VPS13A: variants seen among roughly 807,000 people sequenced by gnomAD.
VPS13A encodes the protein intermembrane lipid transfer protein VPS13A.
In VPS13A, 264 loss-of-function variants were observed where a neutral mutation model predicts 390.9. That is an observed-to-expected ratio of 0.68 (90% CI 0.61 to 0.75). The LOEUF (loss-of-function observed/expected upper bound fraction) is 0.75, where lower values mean the gene tolerates loss of function less well. Ranked by LOEUF, VPS13A falls within the 30% of genes least tolerant of loss-of-function variation. The pLI is 0.00. For missense variants in VPS13A, 3,409 were observed against 3,733.9 expected (o/e 0.91, Z 2.27); for synonymous variants, 1,231 against 1,227.1 (o/e 1.00, Z -0.07).
At chr9:77,340,077 C>A in intron 48 of VPS13A, 101 bp from the exon 49 acceptor site, 1 of 1,354,078 alleles carries the variant, frequency 7.4e-7, no homozygotes, top group Non-Finnish European at 1.0e-6. Flanking sequence ...AGTGCATTAA[C>A]AATATAATAT....
chr9:77,313,199 G>A (rs1324292711), intron 35 of VPS13A, among the ~76,000 whole-genome samples: 1 of 152,104 alleles, frequency 6.6e-6, no homozygotes, highest in Admixed American at 6.5e-5. Flanking sequence ...CATTTATATG[G>A]AATTTAAAAA....
rs73466090 is a variant in VPS13A at position 77,276,145 on chromosome 9, A to G, written c.2748A>G (p.Glu916=). 5.4e-4 allele frequency: 877 copies of G among 1,613,190 alleles called. 5 individuals are homozygous for G. The African/African-American group carries it at 0.01, about 19-fold the overall frequency. ...TTCTTGTTTTAGGATTGGGTGCAGA[A>G]ATTGAGATTAGAACATACGATTTGA... ...VEILVLGLGA[E]IEIRTYDLKA... is the part of the protein sequence containing the mutation. Residue 916 remains glutamate (E), a synonymous_variant, in exon 26 of 72, where the codon GAA becomes GAG. Coordinates refer to ENST00000360280, the MANE Select transcript of VPS13A (RefSeq NM_033305.3).
chr9:77,186,824 A>G (rs1019198085), intron 1 of VPS13A, among the ~76,000 whole-genome samples: 5 of 152,136 alleles, frequency 3.3e-5, no homozygotes, highest in African/African-American at 7.2e-5. Context: ...TGACTTCACC[A>G]TTATTCATCT....
At chr9:77,228,390 G>GA in intron 17 of VPS13A, 126 bp downstream of exon 17, 1 of 936,234 alleles carries the variant, frequency 1.1e-6, no homozygotes. Flanking sequence ...GTGGTTTCAG[G>GA]AAAAAGGTTT....
chr9:77,185,876 C>A (rs999413243), intron 1 of VPS13A, among the ~76,000 whole-genome samples: 4 of 152,160 alleles, frequency 2.6e-5, no homozygotes, highest in Non-Finnish European at 5.9e-5. Flanking sequence ...CCTGTAATTC[C>A]AGCATTTTGG....
Position 77,418,127 on chromosome 9 carries a change from T to C in VPS13A, c.*2121T>C, listed in dbSNP as rs1466082075. The stretch of plus-strand genomic sequence containing the variant: ...TGTTTGATTCTGTAGCCCATTTTTC[T>C]TGAAGGTTAGAATAAGAATCTTCTT... On this transcript the variant is annotated 3_prime_UTR_variant, in exon 72 of 72. Coordinates refer to ENST00000360280, the MANE Select transcript of VPS13A (RefSeq NM_033305.3). The C allele has an allele frequency of 1.3e-5, 2 of 152,210 alleles. No individual in the cohort carries two copies. 9.4% of individuals were successfully genotyped at this position (152,210 alleles called of 1,614,324 possible). A position where few individuals can be genotyped will look rare whatever the true frequency, so the allele number is the denominator to read the frequency against.
intron 1 of VPS13A, among the ~76,000 whole-genome samples, chr9:77,183,567 A>G (rs751456035): frequency 2.6e-5 from 4 of 152,148 alleles, no homozygotes; most frequent in Non-Finnish European, 5.9e-5. Flanking sequence ...ATTCCTTTTT[A>G]TTGCTGACCA....
At chr9:77,313,210 AT>A (rs1829196350) in intron 35 of VPS13A, among the ~76,000 whole-genome samples, 1 of 152,206 alleles carries the variant, frequency 6.6e-6, no homozygotes, top group African/African-American at 2.4e-5. Flanking sequence ...AATTTAAAAA[AT>A]ATACAAAATT....
intron 23 of VPS13A, 127 bp downstream of exon 23, chr9:77,260,351 CTTTT>C (rs750675055): frequency 3.7e-3 from 1,364 of 372,670 alleles, no homozygotes; most frequent in East Asian, 6.3e-3. Context: ...AAGAAAATTA[CTTTT>C]TTTTTTTTTT....
chr9:77,396,355 G>A (rs1233739842), intron 68 of VPS13A, among the ~76,000 whole-genome samples: 2 of 152,128 alleles, frequency 1.3e-5, no homozygotes, highest in Middle Eastern at 3.2e-3. Flanking sequence ...TGGTTTTGCT[G>A]ACAGTCAAGA....
chr9:77,318,041 T>C (rs1371763517), intron 40 of VPS13A, among the ~76,000 whole-genome samples, 194 bp from the exon 41 acceptor site: 1 of 151,916 alleles, frequency 6.6e-6, no homozygotes, highest in Non-Finnish European at 1.5e-5. Context: ...CATGTAAATA[T>C]CTGCAAGATT....
intron 59 of VPS13A, among the ~76,000 whole-genome samples, chr9:77,364,523 C>G (rs1251816465): frequency 6.6e-6 from 1 of 152,166 alleles, no homozygotes; most frequent in Non-Finnish European, 1.5e-5. Context: ...TAGCTGGGAA[C>G]AGGATGAGAA....
chr9:77,213,398 A>C (rs1326254893), intron 9 of VPS13A, 84 bp downstream of exon 9: 2 of 1,150,800 alleles, frequency 1.7e-6, no homozygotes, highest in African/African-American at 3.0e-5. Context: ...AATATACTGT[A>C]GTCAGTATTT....
intron 71 of VPS13A, among the ~76,000 whole-genome samples, chr9:77,407,890 C>T (rs1391427053): frequency 1.3e-5 from 2 of 151,884 alleles, no homozygotes; most frequent in Non-Finnish European, 2.9e-5. Context: ...AAAAAGTCAA[C>T]AAACAAAAAT....
rs775579367 is a variant in VPS13A at position 77,280,184 on chromosome 9, G to A, written c.2850G>A (p.Leu950=). Residue 950 remains leucine (L), a synonymous_variant, in exon 27 of 72, where the codon TTG becomes TTA. Transcript: ENST00000360280. ...ATGAAAACAAGAAACCAGTTTATTTGGTTACAACCCTGGATAACACAATGG... is the reference window on the plus strand; with the variant it reads ...ATGAAAACAAGAAACCAGTTTATTTAGTTACAACCCTGGATAACACAATGG... ...YLDENKKPVY[L]VTTLDNTMED... is the part of the protein sequence containing the mutation. 23 of 1,611,754 alleles carry A rather than the reference G, an allele frequency of 1.4e-5. No homozygotes were observed. The highest frequency in any genetic ancestry group is 1.7e-5 in the Admixed American group (1 of 59,956).
At chr9:77,399,167 TAAAAAAAAAAAAATAAAAAAAAA>T (rs1175207257) in intron 68 of VPS13A, among the ~76,000 whole-genome samples, 6 of 86,060 alleles carry the variant, frequency 7.0e-5, no homozygotes, top group Non-Finnish European at 1.2e-4. Flanking sequence ...TAGAGTATAA[TAAAAAAAAAAAAATAAAAAAAAA>T]AAAAAAAAAA....
chr9:77,177,859 C>T, intron 1 of VPS13A, 55 bp downstream of exon 1: 3 of 1,519,926 alleles, frequency 2.0e-6, no homozygotes, highest in Non-Finnish European at 2.7e-6. Context: ...GGCCGTCTCG[C>T]TGCCCGAGCG....
chr9:77,418,613 T>G lies in VPS13A; in HGVS notation c.*2607T>G, dbSNP rs1835244771. The G allele has an allele frequency of 6.6e-6, 1 of 152,164 alleles. No homozygotes were observed. The highest frequency in any genetic ancestry group is 6.5e-5 in the Admixed American group (1 of 15,278). The allele number at this position is 152,164 out of a possible 1,614,324, so 9.4% of individuals were successfully genotyped here. A position where few individuals can be genotyped will look rare whatever the true frequency, so the allele number is the denominator to read the frequency against. On this transcript the variant is annotated 3_prime_UTR_variant, in exon 72 of 72. Coordinates refer to ENST00000360280, the MANE Select transcript of VPS13A (RefSeq NM_033305.3). ...TCAGTTTAGTGTGGCTGAGTTGTTG[T>G]TATCTGGACCCTAAACAATCATTAC...
Position 77,177,688 on chromosome 9 carries a change from C to T in VPS13A, c.-17C>T, listed in dbSNP as rs1823716790. ...GAGCGCACGGGCCGGCTGCCGTGCC[C>T]ACCACGGCTGAGGAACATGGTTTTC... On this transcript the variant is annotated 5_prime_UTR_variant, in exon 1 of 72. Coordinates refer to ENST00000360280, the MANE Select transcript of VPS13A (RefSeq NM_033305.3). 4 of 1,610,366 alleles carry T rather than the reference C, an allele frequency of 2.5e-6. No individual in the cohort carries two copies. Among genetic ancestry groups the T allele is most frequent in the Non-Finnish European group, 3.4e-6 (4 of 1,177,624 alleles).
Sources: allele counts gnomAD v4.1 joint callset (sites outside exome capture counted in the v4.1 genomes callset), GRCh38; gene constraint gnomAD v4.1.1; transcripts MANE v1.5; gene names NCBI Gene and HGNC (gene_info 2026-07-23, HGNC 2026-07-21).